STX2: variants seen among roughly 807,000 people sequenced by gnomAD.
The protein encoded by STX2 is syntaxin-2.
A neutral mutation model predicts 40.6 loss-of-function variants in STX2; 27 were observed. The observed-to-expected ratio is 0.66, with a 90% CI of 0.49 to 0.92. The LOEUF is 0.92. Among genes scored for constraint, STX2 ranks in the 40% least tolerant of loss-of-function variants. The probability of loss-of-function intolerance (pLI) is 0.00; values close to 1 mark genes in which losing one functional copy is unlikely to be tolerated. For synonymous variants in STX2, 123 were observed against 119.1 expected, an observed-to-expected ratio of 1.03 and a Z score of -0.22; for missense variants, 328 against 366.1, an observed-to-expected ratio of 0.90 and a Z score of 0.85.
At chr12:130,815,874 T>C (rs1297167200) in intron 3 of STX2, among the ~76,000 whole-genome samples, 5 of 152,230 alleles carry the variant, frequency 3.3e-5, no homozygotes, top group African/African-American at 9.7e-5. Flanking sequence ...GTTTGGATAT[T>C]ATATGTTTTT....
intron 3 of STX2, among the ~76,000 whole-genome samples, chr12:130,815,908 C>T (rs1951841131): frequency 6.6e-6 from 1 of 152,048 alleles, no homozygotes. Context: ...GGTAGGTAGG[C>T]TATATCATCT....
intron 3 of STX2, among the ~76,000 whole-genome samples, chr12:130,821,048 A>C (rs1295658750): frequency 6.6e-6 from 1 of 152,128 alleles, no homozygotes; most frequent in Non-Finnish European, 1.5e-5. Flanking sequence ...CTTTTCTCCC[A>C]ATGAGGAGAT....
At chr12:130,838,490 C>T (rs79486590) in intron 1 of STX2, among the ~76,000 whole-genome samples, 2,245 of 152,290 alleles carry the variant, frequency 0.015, 62 homozygotes, top group African/African-American at 0.051. Flanking sequence ...ACACAAGCTG[C>T]TGTTCGCGCT....
rs143867580 is a variant in STX2 at position 130,827,220 on chromosome 12, A to T, written c.78T>A (p.Asp26Glu). ...GATGGAAGAAATCATCCATGAAATG[A>T]TCTTTCTCAACCACAACAACTGTGT... ...DGDTVVVVEK[D>E]HFMDDFFHQV... Residue 26 changes from aspartate to glutamate, a missense_variant, in exon 2 of 11, where the codon GAT becomes GAA. Asp to Glu is a conservative substitution (Grantham distance 45). Coordinates refer to ENST00000392373, the MANE Select transcript of STX2 (RefSeq NM_194356.4). 1.9e-6 allele frequency: 3 copies of T among 1,613,768 alleles called. No individual in the cohort carries two copies. The African/African-American group carries it at 4.0e-5, about 22-fold the overall frequency.
intron 4 of STX2, among the ~76,000 whole-genome samples, chr12:130,809,796 G>A (rs112282995): frequency 0.047 from 7,134 of 152,218 alleles, 523 homozygotes; most frequent in African/African-American, 0.16. Flanking sequence ...CAGCCTAGGC[G>A]ACAAGAGCGA....
intron 6 of STX2, among the ~76,000 whole-genome samples, chr12:130,806,288 G>A (rs1951431060): frequency 6.6e-6 from 1 of 152,162 alleles, no homozygotes; most frequent in Non-Finnish European, 1.5e-5. Flanking sequence ...CGTGGGGGCC[G>A]GCAGAAGGTC....
At chr12:130,823,869 T>G (rs549717776) in intron 2 of STX2, among the ~76,000 whole-genome samples, 7 of 152,232 alleles carry the variant, frequency 4.6e-5, no homozygotes, top group Non-Finnish European at 1.0e-4. Context: ...AAATCTAATG[T>G]CCAGCTTAAT....
chr12:130,827,576 C>T (rs1952370509), intron 1 of STX2, among the ~76,000 whole-genome samples: 1 of 152,228 alleles, frequency 6.6e-6, no homozygotes, highest in African/African-American at 2.4e-5. Flanking sequence ...GCCAGTTTTA[C>T]CCTCAAGAAG....
intron 2 of STX2, among the ~76,000 whole-genome samples, chr12:130,825,121 C>T (rs1344730819): frequency 2.0e-5 from 3 of 151,640 alleles, no homozygotes; most frequent in African/African-American, 7.3e-5. Context: ...ACTGCAACCT[C>T]CGCCTCCCAG....
At chr12:130,826,483 C>A (rs928166827) in intron 2 of STX2, among the ~76,000 whole-genome samples, 1 of 152,314 alleles carries the variant, frequency 6.6e-6, no homozygotes, top group Non-Finnish European at 1.5e-5. Flanking sequence ...GCTGCAGGCC[C>A]GGCCCCAACC....
Position 130,817,249 on chromosome 12 carries a change from G to T in STX2, c.206-4218C>A, listed in dbSNP as rs532420050. On this transcript the variant is annotated intron_variant, in intron 3 of 10. Coordinates refer to ENST00000392373, the MANE Select transcript of STX2 (RefSeq NM_194356.4). ...GATAAAATGTAAGATCATAAATTTT[G>T]TCAGAGAATAGGACAGTATTAAAAG... Among the ~76,000 whole-genome samples the T allele has an allele frequency of 2.4e-3, 371 of 152,258 alleles. 3 individuals carry two copies. The highest frequency in any genetic ancestry group is 4.3e-3 in the Non-Finnish European group (294 of 68,018).
At chr12:130,838,680 G>A (rs1952820828) in intron 1 of STX2, among the ~76,000 whole-genome samples, 1 of 152,196 alleles carries the variant, frequency 6.6e-6, no homozygotes, top group Non-Finnish European at 1.5e-5. Context: ...CCACAGTTAG[G>A]CCAGTGGGCT....
At chr12:130,819,058 CCT>C (rs1399535238) in intron 3 of STX2, among the ~76,000 whole-genome samples, 1 of 152,248 alleles carries the variant, frequency 6.6e-6, no homozygotes, top group East Asian at 1.9e-4. Flanking sequence ...CCTTCGTCCA[CCT>C]CTCTGCCCTG....
chr12:130,826,543 C>T (rs1239959964), intron 2 of STX2, among the ~76,000 whole-genome samples: 1 of 152,202 alleles, frequency 6.6e-6, no homozygotes, highest in South Asian at 2.1e-4. Context: ...AGTTCCCTCC[C>T]GGACTGCATT....
At chr12:130,813,365 T>C (rs1199362143) in intron 3 of STX2, among the ~76,000 whole-genome samples, 2 of 152,204 alleles carry the variant, frequency 1.3e-5, no homozygotes, top group Non-Finnish European at 2.9e-5. Context: ...TACCCATGAA[T>C]GAAACTGCTG....
intron 1 of STX2, among the ~76,000 whole-genome samples, chr12:130,837,362 C>T (rs141016002): frequency 3.7e-4 from 56 of 152,206 alleles, no homozygotes; most frequent in African/African-American, 1.1e-3. Flanking sequence ...GGCACAATCT[C>T]GGCTTTCTGC....
At position 130,811,781 on chromosome 12, in the gene STX2, C is replaced by T. The variant is rs576332369; in HGVS notation, c.280+1176G>A. Among the ~76,000 whole-genome samples the T allele has an allele frequency of 5.9e-5, 9 of 152,266 alleles. No homozygotes were observed. The South Asian group carries it at 1.9e-3, about 32-fold the overall frequency. On this transcript the variant is annotated intron_variant, in intron 4 of 10. Transcript: ENST00000392373. ...AGTCTCGATCTCCTGACCTTGTGAT[C>T]CACCCGCCTCGGCCTCCCAAAGTGC... is the stretch of plus-strand genomic sequence containing the variant.
chr12:130,818,181 A>T lies in STX2; in HGVS notation c.205+3508T>A, dbSNP rs1226545077. Among the ~76,000 whole-genome samples, 109 of 20,156 alleles carry T rather than the reference A, an allele frequency of 5.4e-3. 1 individual carries two copies. Among genetic ancestry groups the T allele is most frequent in the African/African-American group, 0.02 (108 of 5,468 alleles). 13.2% of individuals were successfully genotyped at this position (20,156 alleles called of 152,430 possible). A position where few individuals can be genotyped will look rare whatever the true frequency, so the allele number is the denominator to read the frequency against. On this transcript the variant is annotated intron_variant, in intron 3 of 10. Coordinates refer to ENST00000392373, the MANE Select transcript of STX2 (RefSeq NM_194356.4). ...AAACGCTGTTTCTACAAAAAAAAAA[A>T]AAAAATATATATATATATATATATA...
chr12:130,826,872 G>A (rs1171445425), intron 2 of STX2, among the ~76,000 whole-genome samples: 1 of 151,152 alleles, frequency 6.6e-6, no homozygotes, highest in Non-Finnish European at 1.5e-5. Flanking sequence ...AGCTGGGTGT[G>A]GTGGCACACA....
Sources: gnomAD v4.1 joint callset for allele counts (sites outside exome capture counted in the v4.1 genomes callset) on GRCh38, gnomAD v4.1.1 for gene constraint, MANE v1.5 for transcripts, NCBI Gene and HGNC (gene_info 2026-07-23, HGNC 2026-07-21) for gene names.